Variants in SMARCA4 observed in about 807,000 individuals in gnomAD.
SMARCA4 encodes SWI/SNF-related matrix-associated actin-dependent regulator of chromatin subfamily A member 4.
A neutral mutation model predicts 193.9 loss-of-function variants in SMARCA4; 31 were observed. The ratio of observed to expected loss-of-function variants is 0.16; its 90% CI spans 0.12 to 0.22. SMARCA4 has a LOEUF of 0.22. Ranked by LOEUF, SMARCA4 falls within the 10% of genes least tolerant of loss-of-function variation. SMARCA4 has a pLI of 1.00. For synonymous variants in SMARCA4, 942 were observed against 933.1 expected (o/e 1.01, Z -0.17); for missense variants, 1,148 against 2,296.0 (o/e 0.50, Z 10.22).
chr19:10,997,038 G>C (rs972701231), intron 11 of SMARCA4, among the ~76,000 whole-genome samples: 4 of 147,230 alleles, frequency 2.7e-5, no homozygotes, highest in Non-Finnish European at 6.0e-5. Flanking sequence ...TTTTTTTTTT[G>C]AGATGGAGTT....
At chr19:11,025,712 A>C (rs1372313460) in intron 22 of SMARCA4, 3 of 573,600 alleles carry the variant, frequency 5.2e-6, no homozygotes, top group African/African-American at 3.7e-5. Context: ...TGCGATAGGA[A>C]TATAGGGCCC....
chr19:10,981,109 G>T (rs2085519048), intron 1 of SMARCA4, among the ~76,000 whole-genome samples: 1 of 152,214 alleles, frequency 6.6e-6, no homozygotes, highest in Non-Finnish European at 1.5e-5. Context: ...AGAAGCTATA[G>T]GTCCCTGAAT....
intron 29 of SMARCA4, among the ~76,000 whole-genome samples, chr19:11,035,807 A>G (rs1169305766): frequency 3.3e-5 from 5 of 152,374 alleles, no homozygotes; most frequent in African/African-American, 1.2e-4. Flanking sequence ...ACACTGTGAC[A>G]GATGCCTGGC....
chr19:11,055,122 G>C (rs1390504358), intron 30 of SMARCA4, among the ~76,000 whole-genome samples: 1 of 152,176 alleles, frequency 6.6e-6, no homozygotes, highest in African/African-American at 2.4e-5. Flanking sequence ...GGGTGGTCTT[G>C]ATTCATCCAG....
chr19:11,002,254 C>T (rs1476817127), intron 11 of SMARCA4, among the ~76,000 whole-genome samples: 6 of 151,586 alleles, frequency 4.0e-5, no homozygotes, highest in Non-Finnish European at 8.8e-5. Context: ...CCGAGGCGGG[C>T]AGATCACGAG....
intron 1 of SMARCA4, among the ~76,000 whole-genome samples, chr19:10,972,966 G>C (rs2084800527): frequency 6.6e-6 from 1 of 152,130 alleles, no homozygotes; most frequent in Non-Finnish European, 1.5e-5. Flanking sequence ...AAAATTAGCT[G>C]GGCATGGCGG....
intron 1 of SMARCA4, among the ~76,000 whole-genome samples, chr19:10,979,382 C>T (rs2085384864): frequency 6.7e-6 from 1 of 149,824 alleles, no homozygotes; most frequent in African/African-American, 2.4e-5. Context: ...ACGGATGACT[C>T]TCCCAGACAT....
intron 18 of SMARCA4, 111 bp from the exon 19 acceptor site, chr19:11,021,614 C>T (rs752232350): frequency 1.1e-5 from 15 of 1,360,956 alleles, no homozygotes; most frequent in Admixed American, 3.9e-5. Flanking sequence ...CACCCAGCTG[C>T]GCTCTTCCAC....
intron 1 of SMARCA4, chr19:10,961,511 A>C (rs991303813): frequency 1.2e-4 from 18 of 152,010 alleles, no homozygotes; most frequent in African/African-American, 4.3e-4. Context: ...TCGCCCTCCC[A>C]ATTACAGCGG....
At chr19:11,027,052 A>G (rs1176066897) in intron 23 of SMARCA4, among the ~76,000 whole-genome samples, 1 of 152,210 alleles carries the variant, frequency 6.6e-6, no homozygotes, top group Non-Finnish European at 1.5e-5. Context: ...ATGGATGTGG[A>G]TGCTGTGTCT....
At chr19:11,055,009 T>C (rs1288865835) in intron 30 of SMARCA4, among the ~76,000 whole-genome samples, 1 of 152,096 alleles carries the variant, frequency 6.6e-6, no homozygotes, top group African/African-American at 2.4e-5. Flanking sequence ...CTCTTTAATA[T>C]AGAGGTGAGG....
Position 11,047,051 on chromosome 19 carries a change from G to A in SMARCA4, c.4424+5491G>A, listed in dbSNP as rs574052473. ...ATTGGTGTACTTAATGGATATTTCTGATATTCTTAACTAAATTTGAAGCTG... is the reference window on the plus strand; with the variant it reads ...ATTGGTGTACTTAATGGATATTTCTAATATTCTTAACTAAATTTGAAGCTG... On this transcript the variant is annotated intron_variant, in intron 30 of 34. Transcript: ENST00000344626. Among the ~76,000 whole-genome samples, 3 of 151,868 alleles carry A rather than the reference G, an allele frequency of 2.0e-5. No individual in the cohort carries two copies. The South Asian group carries it at 6.2e-4, about 31-fold the overall frequency.
intron 30 of SMARCA4, among the ~76,000 whole-genome samples, chr19:11,053,677 A>T (rs965349752): frequency 5.3e-5 from 8 of 152,098 alleles, no homozygotes; most frequent in African/African-American, 1.9e-4. Flanking sequence ...TGGGAGGCTG[A>T]TGTGGGAGGA....
chr19:11,021,562 C>T (rs545981169), intron 18 of SMARCA4, 163 bp from the exon 19 acceptor site: 21 of 851,332 alleles, frequency 2.5e-5, no homozygotes, highest in Admixed American at 8.0e-5. Flanking sequence ...GGCTCCAACT[C>T]GGTGAGTCAG....
intron 33 of SMARCA4, 76 bp downstream of exon 33, chr19:11,059,961 C>T: frequency 6.2e-7 from 1 of 1,612,922 alleles, no homozygotes; most frequent in Non-Finnish European, 8.5e-7. Context: ...TTTTCACAGC[C>T]CTCCCGGCTC....
In SMARCA4 at chr19:10,987,583, A is replaced by C. The variant is rs2086166690; in HGVS notation, c.860-83A>C. The C allele has an allele frequency of 6.5e-7, 1 of 1,541,036 alleles. No homozygotes were observed. Among genetic ancestry groups the C allele is most frequent in the African/African-American group, 1.4e-5 (1 of 73,500 alleles). On this transcript the variant is annotated intron_variant, in intron 5 of 34. Transcript: ENST00000344626. The surrounding 1 kb of genome is among the most constrained non-coding windows in gnomAD (Gnocchi z 5.3). The stretch of plus-strand genomic sequence containing the variant: ...GGGGTCTGCCTGTCCCCAGTGCCTC[A>C]AGCAGCTCAGCAGCTTTCCATTTCC...
At position 11,030,578 on chromosome 19, in the gene SMARCA4, C is replaced by T; in HGVS notation, c.3383-152C>T. 1.4e-6 allele frequency: 1 copy of T among 697,772 alleles called. No homozygotes were observed. The allele number at this position is 697,772 out of a possible 1,614,324, so 43.2% of individuals were successfully genotyped here. On this transcript the variant is annotated intron_variant, in intron 24 of 34. Coordinates refer to ENST00000344626, the MANE Select transcript of SMARCA4 (RefSeq NM_003072.5). The surrounding 1 kb of genome is among the most constrained non-coding windows in gnomAD (Gnocchi z 5.5). ...GGAAATCCAGTTATTCGCCAGTGGC[C>T]CACAGGCCCGTGTGGAGAGTGCGGA...
chr19:11,061,709 A>C, intron 34 of SMARCA4, 75 bp from the exon 35 acceptor site: 1 of 1,400,414 alleles, frequency 7.1e-7, no homozygotes, highest in East Asian at 2.3e-5. Context: ...GTTTATTTAA[A>C]GTTTGGCAGG....
Position 11,024,291 on chromosome 19 carries a change from G to A in SMARCA4, c.2974-40G>A, listed in dbSNP as rs535568712. 3 of 1,452,778 alleles carry A rather than the reference G, an allele frequency of 2.1e-6. No homozygotes were observed. In the South Asian group the frequency reaches 3.4e-5, roughly 17 times the overall value. The allele number at this position is 1,452,778 out of a possible 1,614,324, so 90.0% of individuals were successfully genotyped here. On this transcript the variant is annotated intron_variant, in intron 20 of 34. Coordinates refer to ENST00000344626, the MANE Select transcript of SMARCA4 (RefSeq NM_003072.5). ...TCGGATGGGGGGAGTCAGGCCTCAA[G>A]CCACCTTGGGCCCTCGTGAGCATTA...
Sources: gnomAD v4.1 joint callset for allele counts (sites outside exome capture counted in the v4.1 genomes callset) on GRCh38, gnomAD v4.1.1 for gene constraint, Gnocchi (gnomAD v3.1) non-coding constraint, MANE v1.5 for transcripts, NCBI Gene and HGNC (gene_info 2026-07-23, HGNC 2026-07-21) for gene names.